Variants in CAMKMT observed in about 807,000 individuals in gnomAD.
CAMKMT encodes CaM KMT.
Under a neutral mutation model 48.0 loss-of-function variants are expected in CAMKMT, and 53 were observed. The observed-to-expected ratio is 1.10, with a 90% confidence interval of 0.89 to 1.39. The LOEUF is 1.39. Ranked by LOEUF, CAMKMT falls within the 40% of genes most tolerant of loss-of-function variation. The pLI is 0.00. For missense variants in CAMKMT, 428 were observed against 402.7 expected, an observed-to-expected ratio of 1.06 and a Z score of -0.54; for synonymous variants, 165 against 152.3, an observed-to-expected ratio of 1.08 and a Z score of -0.61.
chr2:44,433,071 T>C (rs1684746399), intron 3 of CAMKMT, among the ~76,000 whole-genome samples: 1 of 152,198 alleles, frequency 6.6e-6, no homozygotes, highest in Non-Finnish European at 1.5e-5. Context: ...AGAGAGGAAT[T>C]TGAACACCCA....
At chr2:44,765,780 A>G (rs550382893) in intron 9 of CAMKMT, among the ~76,000 whole-genome samples, 2 of 152,338 alleles carry the variant, frequency 1.3e-5, no homozygotes, top group Admixed American at 1.3e-4. Context: ...AAAAGCAATC[A>G]TGTGAATACT....
chr2:44,417,184 G>C (rs1252658720), intron 3 of CAMKMT, among the ~76,000 whole-genome samples: 1 of 151,982 alleles, frequency 6.6e-6, no homozygotes, highest in Non-Finnish European at 1.5e-5. Flanking sequence ...ACGAGGTCAG[G>C]AGTTCAAGAC....
intron 3 of CAMKMT, among the ~76,000 whole-genome samples, chr2:44,579,795 T>TG: frequency 6.6e-6 from 1 of 152,322 alleles, no homozygotes; most frequent in Non-Finnish European, 1.5e-5. Flanking sequence ...TGGGTGCAGC[T>TG]GGGGGATGTA....
At chr2:44,552,927 A>T (rs1472417200) in intron 3 of CAMKMT, among the ~76,000 whole-genome samples, 1 of 152,220 alleles carries the variant, frequency 6.6e-6, no homozygotes, top group East Asian at 1.9e-4. Flanking sequence ...TAAAAGAAAG[A>T]GACAAATATT....
chr2:44,676,182 C>T (rs1167179088), intron 3 of CAMKMT, among the ~76,000 whole-genome samples: 1 of 152,144 alleles, frequency 6.6e-6, no homozygotes, highest in East Asian at 1.9e-4. Flanking sequence ...AAATTCTATC[C>T]TTAGTCTTAT....
chr2:44,546,483 G>T (rs770754017), intron 3 of CAMKMT, among the ~76,000 whole-genome samples: 1 of 152,290 alleles, frequency 6.6e-6, no homozygotes, highest in African/African-American at 2.4e-5. Context: ...GAGTCCAGCA[G>T]GCCTTTGATT....
At chr2:44,539,283 CA>C (rs35929999) in intron 3 of CAMKMT, among the ~76,000 whole-genome samples, 53,511 of 116,980 alleles carry the variant, frequency 0.46, 10,835 homozygotes, top group Non-Finnish European at 0.53. Context: ...CCAGAAGTCT[CA>C]AAAAAAAAAA....
At chr2:44,427,130 T>G (rs1263702613) in intron 3 of CAMKMT, among the ~76,000 whole-genome samples, 1 of 152,120 alleles carries the variant, frequency 6.6e-6, no homozygotes, top group Non-Finnish European at 1.5e-5. Flanking sequence ...TGAAATGACA[T>G]CTACCTCTGA....
chr2:44,755,701 C>A (rs919585684), intron 9 of CAMKMT, among the ~76,000 whole-genome samples: 3 of 152,182 alleles, frequency 2.0e-5, no homozygotes, highest in Non-Finnish European at 2.9e-5. Context: ...TGGAATCCAG[C>A]AGCTCTTCTG....
At chr2:44,573,004 C>T (rs1669005964) in intron 3 of CAMKMT, among the ~76,000 whole-genome samples, 1 of 151,604 alleles carries the variant, frequency 6.6e-6, no homozygotes, top group African/African-American at 2.4e-5. Context: ...CCGTCTATAT[C>T]TTAGTAATAG....
chr2:44,396,160 C>T (rs1347419388), intron 3 of CAMKMT, among the ~76,000 whole-genome samples: 2 of 151,988 alleles, frequency 1.3e-5, no homozygotes, highest in African/African-American at 2.4e-5. Flanking sequence ...AAACATAACA[C>T]TCTTAGATAT....
At chr2:44,665,191 C>T (rs971107296) in intron 3 of CAMKMT, among the ~76,000 whole-genome samples, 1 of 152,246 alleles carries the variant, frequency 6.6e-6, no homozygotes, top group South Asian at 2.1e-4. Flanking sequence ...CTGCCTCAGC[C>T]TCCTGAGTAG....
intron 3 of CAMKMT, among the ~76,000 whole-genome samples, chr2:44,589,994 C>A (rs367558933): frequency 3.5e-4 from 52 of 148,618 alleles, no homozygotes; most frequent in African/African-American, 1.3e-3. Context: ...GACCTTGTGT[C>A]CTGCAACCTC....
At chr2:44,672,535 C>A (rs1049832996) in intron 3 of CAMKMT, among the ~76,000 whole-genome samples, 7 of 152,246 alleles carry the variant, frequency 4.6e-5, no homozygotes, top group African/African-American at 1.7e-4. Context: ...TTTTTAGTTG[C>A]ATTTAGGGAC....
intron 3 of CAMKMT, among the ~76,000 whole-genome samples, chr2:44,478,702 CTT>C (rs11323347): frequency 2.5e-3 from 271 of 106,360 alleles, no homozygotes; most frequent in Middle Eastern, 0.015. Flanking sequence ...TCTTTTCTTC[CTT>C]TTTTTTTTTT....
At chr2:44,738,206 A>G (rs1679468205) in intron 7 of CAMKMT, among the ~76,000 whole-genome samples, 1 of 152,086 alleles carries the variant, frequency 6.6e-6, no homozygotes, top group East Asian at 1.9e-4. Flanking sequence ...TCCTCCATCT[A>G]TGCTATGGCC....
At chr2:44,493,030 A>T (rs947587367) in intron 3 of CAMKMT, among the ~76,000 whole-genome samples, 1 of 151,586 alleles carries the variant, frequency 6.6e-6, no homozygotes, top group Non-Finnish European at 1.5e-5. Flanking sequence ...AGTAGCTGGG[A>T]TTACAGGCAT....
At chr2:44,529,026 A>G (rs1350105023) in intron 3 of CAMKMT, among the ~76,000 whole-genome samples, 2 of 152,086 alleles carry the variant, frequency 1.3e-5, no homozygotes, top group Non-Finnish European at 2.9e-5. Context: ...TTCTTCATTT[A>G]TTAGTTGGAC....
At chr2:44,542,558 T>TC (rs1558690238) in intron 3 of CAMKMT, among the ~76,000 whole-genome samples, 1,474 of 49,470 alleles carry the variant, frequency 0.03, 12 homozygotes, top group South Asian at 0.15. Flanking sequence ...CTCTCTCTCT[T>TC]TCTCTCTCCA....
Sources: allele counts gnomAD v4.1 joint callset (sites outside exome capture counted in the v4.1 genomes callset), GRCh38; gene constraint gnomAD v4.1.1; transcripts MANE v1.5; gene names NCBI Gene and HGNC (gene_info 2026-07-23, HGNC 2026-07-21).